Variants in STX7 observed in about 807,000 individuals in gnomAD.
STX7 encodes the protein syntaxin-7.
Under a neutral mutation model 39.6 loss-of-function variants are expected in STX7, and 34 were observed. The ratio of observed to expected loss-of-function variants is 0.86; its 90% confidence interval spans 0.65 to 1.14. STX7 has a LOEUF of 1.14. Ranked by LOEUF, STX7 falls within the 50% of genes most tolerant of loss-of-function variation. The pLI, the probability that STX7 is intolerant of heterozygous loss-of-function variation, is 0.00. For synonymous variants in STX7, 119 were observed against 99.1 expected (o/e 1.20, Z -1.19); for missense variants, 284 against 310.4 (o/e 0.92, Z 0.64).
intron 9 of STX7, 47 bp downstream of exon 9, chr6:132,463,946 C>T: frequency 2.6e-6 from 4 of 1,545,614 alleles, no homozygotes; most frequent in South Asian, 1.1e-5. Flanking sequence ...CACACACACA[C>T]ATACGAAAAG....
chr6:132,513,331 T>C (rs1381546694), upstream of STX7: 3 of 152,272 alleles, frequency 2.0e-5, no homozygotes, highest in African/African-American at 7.2e-5. Flanking sequence ...TGGAGGACAG[T>C]TGTCTTCTTT....
intron 2 of STX7, among the ~76,000 whole-genome samples, chr6:132,487,115 C>A (rs773671172): frequency 6.6e-6 from 1 of 152,170 alleles, no homozygotes; most frequent in Non-Finnish European, 1.5e-5. Flanking sequence ...ATATTTGAGT[C>A]TGGTTCTTTG....
intron 2 of STX7, among the ~76,000 whole-genome samples, chr6:132,491,105 C>A (rs1163983187): frequency 6.8e-6 from 1 of 147,334 alleles, no homozygotes; most frequent in African/African-American, 2.5e-5. Context: ...AAATCAAACT[C>A]ATTCCATTGA....
At chr6:132,504,071 G>A (rs895302690) in intron 1 of STX7, among the ~76,000 whole-genome samples, 3 of 152,106 alleles carry the variant, frequency 2.0e-5, no homozygotes, top group African/African-American at 7.2e-5. Context: ...ATTAGGTTGT[G>A]CAAAAGTAAT....
intron 1 of STX7, among the ~76,000 whole-genome samples, 165 bp downstream of exon 1, chr6:132,512,842 G>A (rs1265835263): frequency 4.6e-5 from 7 of 152,178 alleles, no homozygotes; most frequent in Admixed American, 1.3e-4. Flanking sequence ...CAGGCGCTCC[G>A]GGAGCTGGGG....
At chr6:132,482,519 AG>A (rs1362046605) in intron 2 of STX7, among the ~76,000 whole-genome samples, 1 of 152,242 alleles carries the variant, frequency 6.6e-6, no homozygotes, top group Non-Finnish European at 1.5e-5. Context: ...TACAAGAGCT[AG>A]GGTTAGAATG....
chr6:132,489,749 C>A (rs966517672), intron 2 of STX7, among the ~76,000 whole-genome samples: 20 of 152,184 alleles, frequency 1.3e-4, no homozygotes, highest in Admixed American at 3.9e-4. Flanking sequence ...AAGGCATAGC[C>A]CGCTTCCACA....
chr6:132,511,737 T>C (rs949046952), intron 1 of STX7, among the ~76,000 whole-genome samples: 1 of 152,242 alleles, frequency 6.6e-6, no homozygotes, highest in East Asian at 1.9e-4. Flanking sequence ...ATACCGAGGA[T>C]TGTTTTTTTC....
At chr6:132,492,285 T>C (rs544760710) in intron 2 of STX7, among the ~76,000 whole-genome samples, 113 of 152,300 alleles carry the variant, frequency 7.4e-4, no homozygotes, top group African/African-American at 2.6e-3. Flanking sequence ...GTATGGTCCA[T>C]CCCAACTCCC....
At chr6:132,507,151 G>T (rs1188503296) in intron 1 of STX7, among the ~76,000 whole-genome samples, 1 of 152,162 alleles carries the variant, frequency 6.6e-6, no homozygotes, top group East Asian at 1.9e-4. Flanking sequence ...GACTCAAAAG[G>T]ATGGGAGGGT....
At chr6:132,507,094 AAAT>A (rs1442036529) in intron 1 of STX7, among the ~76,000 whole-genome samples, 35 of 152,228 alleles carry the variant, frequency 2.3e-4, no homozygotes, top group African/African-American at 7.7e-4. Flanking sequence ...AGTGGAACCT[AAAT>A]AATGTGTACA....
intron 2 of STX7, 137 bp from the exon 3 acceptor site, chr6:132,475,799 G>A: frequency 9.0e-5 from 36 of 399,272 alleles, no homozygotes; most frequent in South Asian, 2.3e-4. Context: ...AATATTAACT[G>A]GAAAAAAGAA....
intron 6 of STX7, 140 bp from the exon 7 acceptor site, chr6:132,470,187 A>C (rs1165700764): frequency 1.9e-6 from 1 of 519,344 alleles, no homozygotes; most frequent in Non-Finnish European, 3.2e-6. Context: ...AATTCTAAGA[A>C]TATAACAGAT....
At chr6:132,497,245 A>G (rs1213764487) in intron 2 of STX7, among the ~76,000 whole-genome samples, 1 of 152,262 alleles carries the variant, frequency 6.6e-6, no homozygotes, top group Non-Finnish European at 1.5e-5. Context: ...ACTATACAGT[A>G]ACGAAAACAA....
rs2114313064 is a variant in STX7 at position 132,448,854 on chromosome 6, A to T, written c.*11904T>A. 1 of 152,290 alleles carries T rather than the reference A, an allele frequency of 6.6e-6. No homozygotes were observed. The highest frequency in any genetic ancestry group is 2.1e-4 in the South Asian group (1 of 4,824). 9.4% of individuals were successfully genotyped at this position (152,290 alleles called of 1,614,324 possible). On this transcript the variant is annotated 3_prime_UTR_variant, in exon 10 of 10. Coordinates refer to ENST00000367941, the MANE Select transcript of STX7 (RefSeq NM_003569.3). Reference sequence around the variant, plus strand: ...CTCTGTCTCAAAAAAAAAAAAAAAAAAAAAAGGTCTGTCAATTCGTTATTC... The same window carrying T: ...CTCTGTCTCAAAAAAAAAAAAAAAATAAAAAGGTCTGTCAATTCGTTATTC...
At position 132,450,556 on chromosome 6, in the gene STX7, T is replaced by C. The variant is rs903763537; in HGVS notation, c.*10202A>G. 1.3e-5 allele frequency: 2 copies of C among 152,042 alleles called. No individual in the cohort carries two copies. Among genetic ancestry groups the C allele is most frequent in the African/African-American group, 4.8e-5 (2 of 41,430 alleles). 9.4% of individuals were successfully genotyped at this position (152,042 alleles called of 1,614,324 possible). On this transcript the variant is annotated 3_prime_UTR_variant, in exon 10 of 10. Transcript: ENST00000367941. Reference sequence around the variant, plus strand: ...AAAATTGATACTCTCTTCTATAGTATAGGTTTATACTCCAGGGGTCAACCA... The same window carrying C: ...AAAATTGATACTCTCTTCTATAGTACAGGTTTATACTCCAGGGGTCAACCA...
At chr6:132,486,087 T>C (rs1775125385) in intron 2 of STX7, among the ~76,000 whole-genome samples, 2 of 152,234 alleles carry the variant, frequency 1.3e-5, no homozygotes, top group Non-Finnish European at 2.9e-5. Context: ...ACTTTTTTAT[T>C]CTAGCAGGCT....
intron 2 of STX7, among the ~76,000 whole-genome samples, chr6:132,490,620 C>T (rs1451259776): frequency 6.6e-6 from 1 of 152,088 alleles, no homozygotes; most frequent in African/African-American, 2.4e-5. Context: ...GAGCAGGAAG[C>T]CGTATGGGTG....
chr6:132,470,023 C>T lies in STX7; in HGVS notation c.465G>A (p.Val155=), dbSNP rs1774673875. The T allele has an allele frequency of 6.3e-7, 1 of 1,588,692 alleles. No homozygotes were observed. The change falls in exon 7 of 10, where the codon GTG becomes GTA. Residue 155 remains valine, a synonymous_variant. Transcript: ENST00000367941. ...WESQTQPQVQ[V]QDEEITEDDL... The stretch of plus-strand genomic sequence containing the variant: ...CATCCTCTGTAATTTCTTCATCCTG[C>T]ACCTGCACTTGAGGTTGAGTTTGGC...
Sources: allele counts gnomAD v4.1 joint callset (sites outside exome capture counted in the v4.1 genomes callset), GRCh38; gene constraint gnomAD v4.1.1; transcripts MANE v1.5; gene names NCBI Gene and HGNC (gene_info 2026-07-23, HGNC 2026-07-21).